Variants in BBS9 observed in about 807,000 individuals in gnomAD.
BBS9 encodes the protein Bardet-Biedl syndrome 9, also known as protein PTHB1.
A neutral mutation model predicts 117.7 loss-of-function variants in BBS9; 89 were observed. The ratio of observed to expected loss-of-function variants is 0.76; its 90% CI spans 0.64 to 0.90. The LOEUF (loss-of-function observed/expected upper bound fraction) is 0.90. BBS9 is among the 40% of genes least tolerant of loss of function. The pLI, the probability that BBS9 is intolerant of heterozygous loss-of-function variation, is 0.00. For missense variants in BBS9, 982 were observed against 1,042.2 expected (o/e 0.94, Z 0.80); for synonymous variants, 379 against 370.9 (o/e 1.02, Z -0.25).
At chr7:33,210,020 G>C (rs1787714659) in intron 5 of BBS9, among the ~76,000 whole-genome samples, 1 of 151,956 alleles carries the variant, frequency 6.6e-6, no homozygotes, top group South Asian at 2.1e-4. Context: ...TTTTGATGTA[G>C]GCACTTATAG....
At chr7:33,319,410 T>C (rs1381754851) in intron 9 of BBS9, among the ~76,000 whole-genome samples, 1 of 152,192 alleles carries the variant, frequency 6.6e-6, no homozygotes, top group African/African-American at 2.4e-5. Context: ...GGTAGATACC[T>C]AGTAGTGGGA....
chr7:33,484,289 G>T (rs1312481321), intron 19 of BBS9, among the ~76,000 whole-genome samples: 1 of 152,048 alleles, frequency 6.6e-6, no homozygotes, highest in Non-Finnish European at 1.5e-5. Context: ...CAGTCTGGAT[G>T]AAAAAATATA....
chr7:33,355,264 A>C (rs1819418351), intron 15 of BBS9, among the ~76,000 whole-genome samples: 1 of 152,026 alleles, frequency 6.6e-6, no homozygotes, highest in Non-Finnish European at 1.5e-5. Context: ...CCTGAAGAGT[A>C]ATTGGTAGCC....
chr7:33,514,180 G>GC (rs1847388024), intron 20 of BBS9, among the ~76,000 whole-genome samples: 1 of 152,292 alleles, frequency 6.6e-6, no homozygotes, highest in South Asian at 2.1e-4. Context: ...TGTGTCCTTA[G>GC]CAAGTGGTGG....
chr7:33,560,685 C>G (rs184790521), intron 21 of BBS9, among the ~76,000 whole-genome samples: 1 of 152,144 alleles, frequency 6.6e-6, no homozygotes, highest in Non-Finnish European at 1.5e-5. Context: ...CTAAAAGTCT[C>G]CATTCAAATA....
chr7:33,193,096 A>G (rs765827594), intron 5 of BBS9, among the ~76,000 whole-genome samples: 1 of 152,234 alleles, frequency 6.6e-6, no homozygotes, highest in Non-Finnish European at 1.5e-5. Context: ...CAGTGGTCAC[A>G]TGACCCACTG....
chr7:33,462,293 T>C (rs1183039237), intron 19 of BBS9, among the ~76,000 whole-genome samples: 1 of 152,082 alleles, frequency 6.6e-6, no homozygotes, highest in Admixed American at 6.6e-5. Context: ...ACATTTGAAG[T>C]TGGTCAGGCT....
intron 9 of BBS9, among the ~76,000 whole-genome samples, chr7:33,320,554 A>G (rs1811487958): frequency 6.6e-6 from 1 of 152,210 alleles, no homozygotes; most frequent in Middle Eastern, 3.4e-3. Context: ...AATAAACATG[A>G]GACTGGATAT....
intron 5 of BBS9, among the ~76,000 whole-genome samples, chr7:33,237,241 A>G (rs2128276059): frequency 6.6e-6 from 1 of 152,332 alleles, no homozygotes; most frequent in African/African-American, 2.4e-5. Flanking sequence ...GTTGTTTTAC[A>G]TAAATGAGGT....
At chr7:33,536,702 C>CCCCGCCCCCCGCCT (rs1851475536) in intron 21 of BBS9, among the ~76,000 whole-genome samples, 1 of 137,416 alleles carries the variant, frequency 7.3e-6, no homozygotes, top group African/African-American at 2.6e-5. Context: ...CCCGCCTCCC[C>CCCCGCCCCCCGCCT]CCACCCCACT....
chr7:33,404,617 G>C (rs1367572957), intron 19 of BBS9, among the ~76,000 whole-genome samples: 1 of 150,144 alleles, frequency 6.7e-6, no homozygotes, highest in South Asian at 2.2e-4. Context: ...TTGTGAATGT[G>C]AGTTCACTCA....
intron 19 of BBS9, among the ~76,000 whole-genome samples, chr7:33,480,978 A>G (rs1842450425): frequency 6.6e-6 from 1 of 151,470 alleles, no homozygotes; most frequent in Non-Finnish European, 1.5e-5. Context: ...TTCTGCCGTG[A>G]TTGTAAGTTT....
intron 21 of BBS9, among the ~76,000 whole-genome samples, chr7:33,571,717 C>T (rs1318472734): frequency 6.6e-6 from 1 of 152,010 alleles, no homozygotes; most frequent in Non-Finnish European, 1.5e-5. Context: ...ACTCAACTTC[C>T]ATGTGCAATT....
intron 17 of BBS9, among the ~76,000 whole-genome samples, chr7:33,373,675 G>A (rs1247435271): frequency 6.6e-6 from 1 of 152,168 alleles, no homozygotes; most frequent in Non-Finnish European, 1.5e-5. Flanking sequence ...TTAGGTAGGT[G>A]TTTGAAAAAT....
chr7:33,129,435 T>C (rs943864807), upstream of BBS9: 1 of 268,606 alleles, frequency 3.7e-6, no homozygotes, highest in Non-Finnish European at 7.0e-6. Context: ...CCAGTAGCAA[T>C]CTAATTCCAA....
chr7:33,512,961 C>A (rs575017524), intron 20 of BBS9, among the ~76,000 whole-genome samples: 1 of 152,272 alleles, frequency 6.6e-6, no homozygotes, highest in South Asian at 2.1e-4. Context: ...CCCCTCACAC[C>A]TTTGCTGGAC....
intron 21 of BBS9, among the ~76,000 whole-genome samples, chr7:33,565,078 G>A (rs1856642854): frequency 6.6e-6 from 1 of 152,102 alleles, no homozygotes; most frequent in Non-Finnish European, 1.5e-5. Context: ...TTCTAAAATG[G>A]TGGTTATAAT....
chr7:33,200,013 C>G (rs1010382337), intron 5 of BBS9, among the ~76,000 whole-genome samples: 5 of 151,960 alleles, frequency 3.3e-5, no homozygotes, highest in African/African-American at 1.2e-4. Context: ...GTCACTGATG[C>G]CTTTATTTTT....
chr7:33,192,887 C>T (rs995453656), intron 5 of BBS9, among the ~76,000 whole-genome samples: 1 of 152,178 alleles, frequency 6.6e-6, no homozygotes, highest in Non-Finnish European at 1.5e-5. Flanking sequence ...AGGCACTAAT[C>T]CATTCGTGAG....
Sources: gnomAD v4.1 joint callset for allele counts (sites outside exome capture counted in the v4.1 genomes callset) on GRCh38, gnomAD v4.1.1 for gene constraint, MANE v1.5 for transcripts, NCBI Gene and HGNC (gene_info 2026-07-23, HGNC 2026-07-21) for gene names.